MTR: variants seen among roughly 807,000 people sequenced by gnomAD.
MTR encodes 5-methyltetrahydrofolate-homocysteine methyltransferase.
In MTR, 84 loss-of-function variants were observed where a neutral mutation model predicts 154.8. The observed-to-expected ratio is 0.54, with a 90% CI of 0.45 to 0.65. MTR has a LOEUF of 0.65. Among genes scored for constraint, MTR ranks in the 30% least tolerant of loss-of-function variants. The pLI, the probability that MTR is intolerant of heterozygous loss-of-function variation, is 0.00. For synonymous variants in MTR, 554 were observed against 553.9 expected, an observed-to-expected ratio of 1.00 and a Z score of 0.00; for missense variants, 1,275 against 1,570.2, an observed-to-expected ratio of 0.81 and a Z score of 3.18.
intron 5 of MTR, among the ~76,000 whole-genome samples, chr1:236,811,848 A>G (rs1167111687): frequency 6.6e-6 from 1 of 152,196 alleles, no homozygotes; most frequent in Non-Finnish European, 1.5e-5. Context: ...GTTTTGTTAC[A>G]TATTGTCTCA....
chr1:236,862,140 C>A, intron 20 of MTR, 96 bp from the exon 21 acceptor site: 1 of 950,320 alleles, frequency 1.1e-6, no homozygotes, highest in Non-Finnish European at 1.7e-6. Context: ...GAAGTCAAAG[C>A]ATGCATTCCT....
At chr1:236,876,735 C>G (rs1464280770) in intron 24 of MTR, among the ~76,000 whole-genome samples, 1 of 151,738 alleles carries the variant, frequency 6.6e-6, no homozygotes, top group African/African-American at 2.4e-5. Context: ...TGAGAAGCAA[C>G]GTGACTAGCC....
In MTR at chr1:236,850,455, A is replaced by G; in HGVS notation, c.1627A>G (p.Ile543Val). The G allele has an allele frequency of 6.2e-7, 1 of 1,613,712 alleles. No individual in the cohort carries two copies. The highest frequency in any genetic ancestry group is 2.2e-5 in the East Asian group (1 of 44,848). Residue 543 changes from isoleucine to valine, a missense_variant, in exon 16 of 33, where the codon ATT (isoleucine) becomes GTT (valine). By Grantham distance (29) the Ile-to-Val change is conservative. Coordinates refer to ENST00000366577, the MANE Select transcript of MTR (RefSeq NM_000254.3). ...TATTTTTGACCCTAATATCCTAACC[A>G]TTGGGACTGGAATGGAGGAACACAA... ...DIIFDPNILT[I>V]GTGMEEHNLY...
intron 24 of MTR, among the ~76,000 whole-genome samples, chr1:236,880,450 C>T (rs1665665636): frequency 6.6e-6 from 1 of 152,154 alleles, no homozygotes. Context: ...TGGTTACCTC[C>T]CTTAAGTCAC....
intron 12 of MTR, 96 bp from the exon 13 acceptor site, chr1:236,831,870 G>A: frequency 2.2e-6 from 2 of 896,296 alleles, no homozygotes; most frequent in Non-Finnish European, 3.7e-6. Flanking sequence ...CTATGGTGCA[G>A]GAACTTCTCT....
Position 236,816,565 on chromosome 1 carries a change from A to G in MTR, c.764+22A>G, listed in dbSNP as rs757198313. On this transcript the variant is annotated intron_variant, in intron 8 of 32. Transcript: ENST00000366577. ...TCTGGTGAGTGATCCATCTTTCTGT[A>G]ACTTCTTTTCTTTTTTGGGGAACCT... 6.9e-6 allele frequency: 11 copies of G among 1,603,148 alleles called. No individual in the cohort carries two copies. The Admixed American group carries it at 1.8e-4, about 27-fold the overall frequency.
chr1:236,867,522 G>A (rs1449805467), intron 22 of MTR, among the ~76,000 whole-genome samples: 2 of 152,170 alleles, frequency 1.3e-5, no homozygotes, highest in Non-Finnish European at 2.9e-5. Context: ...TGCAGCCTGT[G>A]AATCAAGGAG....
intron 6 of MTR, among the ~76,000 whole-genome samples, chr1:236,815,331 A>G (rs1661525374): frequency 6.6e-6 from 1 of 152,186 alleles, no homozygotes; most frequent in Non-Finnish European, 1.5e-5. Context: ...TGAAGAAAGG[A>G]AGAAAGAATA....
intron 2 of MTR, among the ~76,000 whole-genome samples, chr1:236,804,518 A>G (rs1431843629): frequency 2.6e-5 from 4 of 152,224 alleles, no homozygotes; most frequent in Non-Finnish European, 4.4e-5. Flanking sequence ...TTTTTTACTT[A>G]TATACCATGA....
At chr1:236,797,701 G>A (rs943229258) in intron 1 of MTR, among the ~76,000 whole-genome samples, 3 of 152,170 alleles carry the variant, frequency 2.0e-5, no homozygotes, top group East Asian at 1.9e-4. Context: ...GCTCATATCT[G>A]TAATCCCAGC....
At chr1:236,849,821 G>A (rs1283120578) in intron 15 of MTR, among the ~76,000 whole-genome samples, 1 of 152,158 alleles carries the variant, frequency 6.6e-6, no homozygotes, top group Non-Finnish European at 1.5e-5. Flanking sequence ...TGAAGGTGAG[G>A]AATAAATGCA....
intron 1 of MTR, among the ~76,000 whole-genome samples, chr1:236,798,745 TGACTA>T (rs1320041470): frequency 1.2e-4 from 18 of 152,262 alleles, no homozygotes; most frequent in African/African-American, 4.1e-4. Flanking sequence ...ATTTAGAACT[TGACTA>T]GTCAGTAGTT....
At chr1:236,860,792 A>G (rs1664490474) in intron 19 of MTR, among the ~76,000 whole-genome samples, 1 of 152,244 alleles carries the variant, frequency 6.6e-6, no homozygotes, top group African/African-American at 2.4e-5. Context: ...TAATTGGCAT[A>G]TAAAATTGTA....
intron 22 of MTR, among the ~76,000 whole-genome samples, chr1:236,869,676 G>T (rs1296313572): frequency 6.6e-6 from 1 of 152,314 alleles, no homozygotes; most frequent in East Asian, 1.9e-4. Context: ...AGGAAGATGG[G>T]GTTATGTGTA....
rs149165917 is a variant in MTR, at chr1:236,885,152, A to G, written c.2708A>G (p.Asp903Gly). ...CAGCTGTTAGATGAAAATCTAAAGG[A>G]TGAATACTTTGAGGAAATCATGGAA... ...CSQLLDENLK[D>G]EYFEEIMEEY... Residue 903 changes from aspartate to glycine, a missense_variant, in exon 26 of 33, where the codon GAT (aspartate) becomes GGT (glycine). By Grantham distance (94) the Asp-to-Gly change is moderately conservative. Transcript: ENST00000366577. 3 of 1,609,894 alleles carry G rather than the reference A, an allele frequency of 1.9e-6. No homozygotes were observed. Among genetic ancestry groups the G allele is most frequent in the Non-Finnish European group, 2.6e-6 (3 of 1,176,148 alleles).
Position 236,897,773 on chromosome 1 carries a change from G to T in MTR, c.*129G>T. On this transcript the variant is annotated 3_prime_UTR_variant, in exon 33 of 33. Transcript: ENST00000366577. ...TGACACTTACCTGCTTCTGGTTTTC[G>T]AAGACTATTTAGTGGAACCTTGTAG... The T allele has an allele frequency of 3.7e-6, 3 of 819,774 alleles. No individual in the cohort carries two copies. The highest frequency in any genetic ancestry group is 6.0e-6 in the Non-Finnish European group (3 of 499,002). 50.8% of individuals were successfully genotyped at this position (819,774 alleles called of 1,614,324 possible).
intron 8 of MTR, among the ~76,000 whole-genome samples, chr1:236,823,384 A>C (rs1271788605): frequency 6.6e-6 from 1 of 152,194 alleles, no homozygotes; most frequent in Non-Finnish European, 1.5e-5. Flanking sequence ...ATTTTGAAGT[A>C]TTTTGGATTT....
At chr1:236,806,664 A>G (rs1450871829) in intron 3 of MTR, among the ~76,000 whole-genome samples, 1 of 152,184 alleles carries the variant, frequency 6.6e-6, no homozygotes, top group African/African-American at 2.4e-5. Context: ...GTATTGTGCT[A>G]TCATCACCAC....
chr1:236,885,472 T>A (rs549645341), intron 26 of MTR, among the ~76,000 whole-genome samples: 1 of 152,292 alleles, frequency 6.6e-6, no homozygotes, highest in African/African-American at 2.4e-5. Flanking sequence ...TTAGGGGCTG[T>A]GCTAGATATC....
Sources: allele counts gnomAD v4.1 joint callset (sites outside exome capture counted in the v4.1 genomes callset), GRCh38; gene constraint gnomAD v4.1.1; transcripts MANE v1.5; gene names NCBI Gene and HGNC (gene_info 2026-07-23, HGNC 2026-07-21).